The following WDPCP variants were observed in gnomAD, a reference collection of about 807,000 sequenced individuals.
The protein encoded by WDPCP is WD repeat-containing and planar cell polarity effector protein fritz homolog.
In WDPCP, 71 loss-of-function variants were observed where a neutral mutation model predicts 93.1. The ratio of observed to expected loss-of-function variants is 0.76; its 90% confidence interval spans 0.63 to 0.93. The LOEUF (loss-of-function observed/expected upper bound fraction) is 0.93. WDPCP is among the 40% of genes least tolerant of loss of function. The probability of loss-of-function intolerance (pLI) is 0.00; values close to 1 mark genes in which losing one functional copy is unlikely to be tolerated. For synonymous variants in WDPCP, 315 were observed against 315.0 expected (o/e 1.00, Z 0.00); for missense variants, 844 against 887.4 (o/e 0.95, Z 0.62).
intron 2 of WDPCP, among the ~76,000 whole-genome samples, chr2:63,797,931 A>G (rs1670639735): frequency 6.6e-6 from 1 of 152,226 alleles, no homozygotes; most frequent in African/African-American, 2.4e-5. Context: ...AAAAGCATCA[A>G]GAGAAAAGAA....
At chr2:63,617,090 G>C (rs1709680124) in intron 3 of WDPCP, among the ~76,000 whole-genome samples, 2 of 152,246 alleles carry the variant, frequency 1.3e-5, no homozygotes, top group South Asian at 4.1e-4. Flanking sequence ...CTCACCACAG[G>C]AAAAATTTGT....
intron 2 of WDPCP, among the ~76,000 whole-genome samples, chr2:63,780,439 T>C (rs781725721): frequency 6.6e-6 from 1 of 152,194 alleles, no homozygotes; most frequent in Non-Finnish European, 1.5e-5. Flanking sequence ...AAGAAAGAGA[T>C]AGAAGGATTA....
intron 1 of WDPCP, among the ~76,000 whole-genome samples, chr2:63,568,049 T>C (rs1707208836): frequency 6.6e-6 from 1 of 152,178 alleles, no homozygotes; most frequent in Admixed American, 6.5e-5. Flanking sequence ...TTAAGAATAA[T>C]AAGAGCTAAC....
At chr2:63,262,354 C>T (rs755408716) in intron 13 of WDPCP, among the ~76,000 whole-genome samples, 7 of 152,024 alleles carry the variant, frequency 4.6e-5, no homozygotes, top group Non-Finnish European at 1.5e-5. Flanking sequence ...GAAGACAATA[C>T]ATTTATGAAG....
Position 63,404,085 on chromosome 2 carries a change from A to C in WDPCP, c.1398T>G (p.Phe466Leu). The change falls in exon 10 of 18, where the codon TTT becomes TTG. Residue 466 changes from phenylalanine to leucine, a missense_variant. Physicochemically the swap from Phe to Leu is conservative, Grantham distance 22. Transcript: ENST00000272321. ...ACAGCACACCCAAAGGTCCTCTTTC[A>C]AACCTGAGGAAGAGGAGATCATAGA... The part of the protein sequence containing the change: ...SDIYDLLFLR[F>L]ERGPLGVLLF... 1 of 1,614,110 alleles carries C rather than the reference A, an allele frequency of 6.2e-7. No homozygotes were observed. Among genetic ancestry groups the C allele is most frequent in the Non-Finnish European group, 8.5e-7 (1 of 1,179,994 alleles).
At chr2:63,176,034 C>T (rs1673780268) in intron 14 of WDPCP, among the ~76,000 whole-genome samples, 1 of 152,172 alleles carries the variant, frequency 6.6e-6, no homozygotes, top group Admixed American at 6.5e-5. Flanking sequence ...CACCATTTTA[C>T]AATCCTACCA....
At chr2:63,238,347 T>C (rs1679579225) in intron 14 of WDPCP, among the ~76,000 whole-genome samples, 1 of 152,162 alleles carries the variant, frequency 6.6e-6, no homozygotes, top group Non-Finnish European at 1.5e-5. Context: ...GACTACTGAA[T>C]CTTGAAACAC....
chr2:63,202,897 T>A (rs975780009), intron 14 of WDPCP, among the ~76,000 whole-genome samples: 1 of 152,164 alleles, frequency 6.6e-6, no homozygotes, highest in Non-Finnish European at 1.5e-5. Context: ...TCAGCCTAGT[T>A]TTAGATTTTG....
intron 1 of WDPCP, among the ~76,000 whole-genome samples, chr2:63,528,822 G>A (rs149591304): frequency 5.7e-4 from 87 of 152,256 alleles, no homozygotes; most frequent in African/African-American, 1.9e-3. Context: ...CCATCTTCAC[G>A]ATATTGATTC....
chr2:63,790,778 T>G (rs1380845255), intron 2 of WDPCP, among the ~76,000 whole-genome samples: 1 of 152,104 alleles, frequency 6.6e-6, no homozygotes, highest in Non-Finnish European at 1.5e-5. Flanking sequence ...TAAAACTTAA[T>G]GACATAAGGA....
intron 14 of WDPCP, among the ~76,000 whole-genome samples, chr2:63,185,669 T>C (rs1322958346): frequency 6.6e-6 from 1 of 152,202 alleles, no homozygotes; most frequent in Non-Finnish European, 1.5e-5. Flanking sequence ...TACCAGATTT[T>C]GTCCTGTATT....
chr2:63,733,826 A>C (rs1669599284), intron 2 of WDPCP, among the ~76,000 whole-genome samples: 1 of 152,140 alleles, frequency 6.6e-6, no homozygotes, highest in Non-Finnish European at 1.5e-5. Flanking sequence ...ATATTCACAA[A>C]ATTGTGCAAC....
At chr2:63,633,795 C>T (rs1193327254) in intron 3 of WDPCP, among the ~76,000 whole-genome samples, 1 of 152,174 alleles carries the variant, frequency 6.6e-6, no homozygotes, top group Non-Finnish European at 1.5e-5. Context: ...GGTGCAGTGG[C>T]TGATGCTTGA....
At chr2:63,139,972 C>G (rs1410957158) in intron 17 of WDPCP, among the ~76,000 whole-genome samples, 1 of 152,156 alleles carries the variant, frequency 6.6e-6, no homozygotes, top group Non-Finnish European at 1.5e-5. Flanking sequence ...CTTAATCCAT[C>G]TTGAGTTGAT....
intron 1 of WDPCP, among the ~76,000 whole-genome samples, chr2:63,537,582 C>A (rs1278765605): frequency 6.6e-6 from 1 of 152,148 alleles, no homozygotes; most frequent in African/African-American, 2.4e-5. Flanking sequence ...TCCCTAGACT[C>A]TTTGCCTTTT....
intron 3 of WDPCP, among the ~76,000 whole-genome samples, chr2:63,624,396 G>T (rs554485364): frequency 1.3e-5 from 2 of 152,140 alleles, no homozygotes; most frequent in African/African-American, 4.8e-5. Flanking sequence ...CCAGGAGCTG[G>T]TTTTTTGAAA....
At chr2:63,339,632 C>A (rs2104442771) in intron 12 of WDPCP, among the ~76,000 whole-genome samples, 1 of 152,280 alleles carries the variant, frequency 6.6e-6, no homozygotes. Flanking sequence ...ATGTCATCTG[C>A]AAACAGGGCT....
chr2:63,243,601 A>G (rs1203650130), intron 14 of WDPCP, among the ~76,000 whole-genome samples: 1 of 152,168 alleles, frequency 6.6e-6, no homozygotes, highest in Non-Finnish European at 1.5e-5. Flanking sequence ...AAGCATCAAA[A>G]AGGACAAAGA....
Position 63,673,729 on chromosome 2 carries a change from A to G in WDPCP, n.309-22891T>C, listed in dbSNP as rs116782835. Among the ~76,000 whole-genome samples the G allele has an allele frequency of 4.4e-3, 664 of 152,342 alleles. 1 individual carries two copies. The highest frequency in any genetic ancestry group is 0.014 in the Middle Eastern group (4 of 294). On this transcript the variant is annotated intron_variant and non_coding_transcript_variant, in intron 2 of 4. Coordinates refer to the WDPCP transcript ENST00000467687. The stretch of plus-strand genomic sequence containing the variant: ...AAACATTTCCATCATATATCTGTAC[A>G]GTCTATAAAAAGTCTTATTTGAGAA...
Sources: gnomAD v4.1 joint callset for allele counts (sites outside exome capture counted in the v4.1 genomes callset) on GRCh38, gnomAD v4.1.1 for gene constraint, MANE v1.5 for transcripts, NCBI Gene and HGNC (gene_info 2026-07-23, HGNC 2026-07-21) for gene names.